DDX60L: variants seen among roughly 807,000 people sequenced by gnomAD.
DDX60L encodes the protein DExD/H-box 60 like, also known as probable ATP-dependent RNA helicase DDX60-like.
A neutral mutation model predicts 211.6 loss-of-function variants in DDX60L; 191 were observed. The ratio of observed to expected loss-of-function variants is 0.90; its 90% CI spans 0.80 to 1.02. The LOEUF is 1.02. Ranked by LOEUF, DDX60L falls within the 50% of genes least tolerant of loss-of-function variation. DDX60L has a pLI of 0.00. For missense variants in DDX60L, 2,007 were observed against 1,984.1 expected (o/e 1.01, Z -0.22); for synonymous variants, 706 against 694.1 (o/e 1.02, Z -0.27).
chr4:168,371,268 T>C (rs1049619069), intron 36 of DDX60L, among the ~76,000 whole-genome samples: 9 of 150,618 alleles, frequency 6.0e-5, no homozygotes, highest in African/African-American at 2.2e-4. Flanking sequence ...AGCTTTGTAA[T>C]ATATCCAAAT....
chr4:168,386,426 CAGA>C (rs111245236), intron 29 of DDX60L, among the ~76,000 whole-genome samples: 8 of 152,190 alleles, frequency 5.3e-5, no homozygotes, highest in Non-Finnish European at 7.4e-5. Context: ...CAACTATTTG[CAGA>C]AGAAGTAACA....
intron 9 of DDX60L, among the ~76,000 whole-genome samples, chr4:168,445,573 C>T (rs1460566716): frequency 6.6e-6 from 1 of 152,100 alleles, no homozygotes; most frequent in Non-Finnish European, 1.5e-5. Flanking sequence ...AGAGACACAA[C>T]AAAAGAAGAG....
chr4:168,478,238 T>G (rs1248195152), intron 1 of DDX60L, among the ~76,000 whole-genome samples: 1 of 151,518 alleles, frequency 6.6e-6, no homozygotes, highest in Non-Finnish European at 1.5e-5. Flanking sequence ...TCATAAAGAA[T>G]TCTCAGTTAA....
chr4:168,388,865 T>C (rs961645683), intron 29 of DDX60L, among the ~76,000 whole-genome samples: 10 of 152,084 alleles, frequency 6.6e-5, no homozygotes, highest in Non-Finnish European at 1.5e-5. Flanking sequence ...AATGCTGACA[T>C]GGTGGTGAAG....
Position 168,423,765 on chromosome 4 carries a change from G to T in DDX60L, c.1940C>A (p.Ser647Ter), listed in dbSNP as rs748422357. The change falls in exon 15 of 38, where the codon TCG becomes TAG. Residue 647 changes from serine (S) to a stop codon, truncating the protein, a stop_gained. Transcript: ENST00000682922. LOFTEE classifies it high-confidence loss of function. ...KKHCRGEGKI[S>*]KDLSIAVQMM... The stretch of plus-strand genomic sequence containing the variant: ...TTGAACAGCTATACTTAAATCTTTC[G>T]AAATTTTGCCTTGTTAAAGAAACAA... 6.4e-7 allele frequency: 1 copy of T among 1,567,410 alleles called. No homozygotes were observed. Among genetic ancestry groups the T allele is most frequent in the Non-Finnish European group, 8.6e-7 (1 of 1,165,042 alleles).
intron 26 of DDX60L, among the ~76,000 whole-genome samples, chr4:168,398,811 G>A (rs10010270): frequency 0.023 from 3,429 of 150,246 alleles, 136 homozygotes; most frequent in African/African-American, 0.078. Flanking sequence ...TACCAGCTAC[G>A]GAGGGGAGCT....
intron 26 of DDX60L, among the ~76,000 whole-genome samples, chr4:168,400,267 T>C (rs1468072130): frequency 2.0e-5 from 3 of 149,588 alleles, no homozygotes; most frequent in Non-Finnish European, 4.5e-5. Flanking sequence ...AGTCTATCAT[T>C]GATGGGCATC....
chr4:168,390,176 C>T (rs1260773170), intron 29 of DDX60L: 1 of 998,784 alleles, frequency 1.0e-6, no homozygotes, highest in Non-Finnish European at 1.2e-6. Flanking sequence ...AGTAGTTCCA[C>T]TCTCATTGTG....
chr4:168,423,589 G>T lies in DDX60L; in HGVS notation c.2097+19C>A, dbSNP rs1374183684. 12 of 1,411,002 alleles carry T rather than the reference G, an allele frequency of 8.5e-6. No individual in the cohort carries two copies. Among genetic ancestry groups the T allele is most frequent in the Non-Finnish European group, 1.1e-5 (12 of 1,050,172 alleles). 87.4% of individuals were successfully genotyped at this position (1,411,002 alleles called of 1,614,324 possible). A position where few individuals can be genotyped will look rare whatever the true frequency, so the allele number is the denominator to read the frequency against. On this transcript the variant is annotated intron_variant, in intron 15 of 37. Coordinates refer to ENST00000682922, the MANE Select transcript of DDX60L (RefSeq NM_001012967.3). ...AATTGAGTAAAAATTTAAAGTATAA[G>T]AAATTCTAGTTCTCTTACCAGAGTT...
At chr4:168,466,836 G>A (rs539773726) in intron 4 of DDX60L, among the ~76,000 whole-genome samples, 2 of 152,234 alleles carry the variant, frequency 1.3e-5, no homozygotes, top group South Asian at 4.1e-4. Flanking sequence ...GTGCTTTGTT[G>A]CCTGCTACAC....
At position 168,433,050 on chromosome 4, in the gene DDX60L, A is replaced by G. The variant is rs988863566; in HGVS notation, c.1360T>C (p.Phe454Leu). ...AAATCCTTCATCATATCTCCAACAA[A>G]CTCATCAATTACAGCAGATGTCATT... is the stretch of plus-strand genomic sequence containing the variant. ...IPMTSAVIDE[F>L]VGDMMKDLPI... is the part of the protein sequence containing the mutation. Residue 454 changes from phenylalanine to leucine, a missense_variant, in exon 11 of 38, where the codon TTT becomes CTT. Physicochemically the swap from Phe to Leu is conservative, Grantham distance 22. Coordinates refer to ENST00000682922, the MANE Select transcript of DDX60L (RefSeq NM_001012967.3). 1 of 1,609,786 alleles carries G rather than the reference A, an allele frequency of 6.2e-7. No homozygotes were observed. The highest frequency in any genetic ancestry group is 8.5e-7 in the Non-Finnish European group (1 of 1,177,858).
At chr4:168,454,420 T>C (rs553983250) in intron 7 of DDX60L, among the ~76,000 whole-genome samples, 5 of 152,154 alleles carry the variant, frequency 3.3e-5, no homozygotes, top group African/African-American at 1.2e-4. Flanking sequence ...TTCTCCTATA[T>C]GTATAAAATT....
intron 27 of DDX60L, 126 bp from the exon 28 acceptor site, chr4:168,394,743 G>T: frequency 1.3e-6 from 1 of 796,676 alleles, no homozygotes; most frequent in South Asian, 2.0e-5. Flanking sequence ...GCTGCCCTTT[G>T]ACCCTGAACC....
intron 6 of DDX60L, 67 bp downstream of exon 6, chr4:168,457,825 T>C: frequency 1.0e-6 from 1 of 979,458 alleles, no homozygotes; most frequent in African/African-American, 1.6e-5. Flanking sequence ...ACTGAACTAA[T>C]CACAAGTTCA....
Position 168,378,475 on chromosome 4 carries a change from C to G in DDX60L, c.4364G>C (p.Gly1455Ala). 6.4e-7 allele frequency: 1 copy of G among 1,553,638 alleles called. No homozygotes were observed. The highest frequency in any genetic ancestry group is 8.7e-7 in the Non-Finnish European group (1 of 1,148,074). ...FHNLCKPAWK[G>A]SQQFSQDVME... ...CACATCTTGGGAAAATTGTTGTGAG[C>G]CTATTGAAATAAAGAGCATTATTAT... The change falls in exon 33 of 38, where the codon GGC becomes GCC. Residue 1455 changes from glycine to alanine, a missense_variant and splice_region_variant. Coordinates refer to ENST00000682922, the MANE Select transcript of DDX60L (RefSeq NM_001012967.3).
Position 168,392,933 on chromosome 4 carries a change from A to G in DDX60L, c.3811-1289T>C, listed in dbSNP as rs560742501. 2.9e-4 allele frequency among the ~76,000 whole-genome samples: 44 copies of G among 152,178 alleles called. 1 individual carries two copies. Among genetic ancestry groups the G allele is most frequent in the Admixed American group, 1.5e-3 (23 of 15,296 alleles). ...ACAATATGGCTATTCATTCATTTAT[A>G]TATTCATTCATTTACTCACTCATTA... On this transcript the variant is annotated intron_variant, in intron 28 of 37. Transcript: ENST00000682922.
At chr4:168,429,975 A>G (rs908809207) in intron 13 of DDX60L, among the ~76,000 whole-genome samples, 3 of 152,188 alleles carry the variant, frequency 2.0e-5, no homozygotes, top group African/African-American at 7.2e-5. Context: ...AGGTGGGTGG[A>G]TCACCTGAGG....
intron 22 of DDX60L, among the ~76,000 whole-genome samples, chr4:168,409,400 C>T (rs1001357840): frequency 2.0e-5 from 3 of 152,218 alleles, no homozygotes; most frequent in African/African-American, 7.2e-5. Flanking sequence ...CCTTAAATCA[C>T]TCTAAGCAGA....
chr4:168,448,933 C>T (rs1179874966), intron 8 of DDX60L, among the ~76,000 whole-genome samples, 154 bp from the exon 9 acceptor site: 2 of 152,138 alleles, frequency 1.3e-5, no homozygotes, highest in East Asian at 3.9e-4. Context: ...ATCTATAAGT[C>T]CCCAAACTAA....
Sources: allele counts gnomAD v4.1 joint callset (sites outside exome capture counted in the v4.1 genomes callset), GRCh38; gene constraint gnomAD v4.1.1; transcripts MANE v1.5; gene names NCBI Gene and HGNC (gene_info 2026-07-23, HGNC 2026-07-21).